Variants in ARHGAP10 observed in about 807,000 individuals in gnomAD.
ARHGAP10 encodes the protein rho GTPase-activating protein 10.
ARHGAP10 carries 87 observed loss-of-function variants against 108.6 expected under a neutral mutation model. The observed-to-expected ratio is 0.80, with a 90% CI of 0.67 to 0.96. The LOEUF is 0.96. Ranked by LOEUF, ARHGAP10 falls within the 40% of genes least tolerant of loss-of-function variation. ARHGAP10 has a pLI of 0.00. For synonymous variants in ARHGAP10, 347 were observed against 341.1 expected, an observed-to-expected ratio of 1.02 and a Z score of -0.19; for missense variants, 939 against 954.5, an observed-to-expected ratio of 0.98 and a Z score of 0.21.
At chr4:147,992,856 A>T (rs1740333367) in intron 18 of ARHGAP10, among the ~76,000 whole-genome samples, 1 of 152,216 alleles carries the variant, frequency 6.6e-6, no homozygotes, top group African/African-American at 2.4e-5. Flanking sequence ...TTCTACTTAA[A>T]TAATGAAAGA....
chr4:148,053,667 C>G (rs1251649947), intron 20 of ARHGAP10, among the ~76,000 whole-genome samples: 1 of 152,216 alleles, frequency 6.6e-6, no homozygotes, highest in Non-Finnish European at 1.5e-5. Flanking sequence ...ATTGTCTATT[C>G]ACATTCAGTC....
intron 1 of ARHGAP10, among the ~76,000 whole-genome samples, chr4:147,759,591 C>T (rs1043742868): frequency 1.3e-4 from 19 of 148,130 alleles, no homozygotes; most frequent in African/African-American, 4.1e-4. Context: ...CCCCCCCCCC[C>T]CTTTAAAAAG....
intron 22 of ARHGAP10, among the ~76,000 whole-genome samples, chr4:148,068,029 G>T (rs1305623335): frequency 2.6e-5 from 4 of 151,852 alleles, no homozygotes; most frequent in Admixed American, 2.6e-4. Flanking sequence ...AGGTCTCAGG[G>T]CAGTGACGTT....
intron 1 of ARHGAP10, among the ~76,000 whole-genome samples, chr4:147,796,036 G>GGAA: frequency 6.6e-6 from 1 of 151,844 alleles, no homozygotes; most frequent in Non-Finnish European, 1.5e-5. Context: ...TTTGCTTTTG[G>GGAA]GAACATGATT....
chr4:147,966,708 A>G lies in ARHGAP10; in HGVS notation c.1585A>G (p.Met529Val). ...NVSNHSKQNL[M>V]TVANLGVVFG... is the part of the protein sequence containing the mutation. ...TTCAAATCACTCCAAGCAGAACCTG[A>G]TGACTGTGGCAAACTTAGGAGTGGT... The change falls in exon 18 of 23, where the codon ATG becomes GTG. Residue 529 changes from methionine to valine, a missense_variant. Met to Val is a conservative substitution (Grantham distance 21). Coordinates refer to ENST00000336498, the MANE Select transcript of ARHGAP10 (RefSeq NM_024605.4). The G allele has an allele frequency of 1.3e-6, 2 of 1,592,288 alleles. No individual in the cohort carries two copies. The highest frequency in any genetic ancestry group is 1.7e-6 in the Non-Finnish European group (2 of 1,165,624).
At chr4:147,990,078 C>A (rs776132548) in intron 18 of ARHGAP10, among the ~76,000 whole-genome samples, 1 of 152,168 alleles carries the variant, frequency 6.6e-6, no homozygotes, top group African/African-American at 2.4e-5. Context: ...CAGCCTTCTG[C>A]CTGAATGAGG....
In ARHGAP10 at chr4:148,009,167, T is replaced by G. The variant is rs10021566; in HGVS notation, c.1717-14096T>G. On this transcript the variant is annotated intron_variant, in intron 18 of 22. Coordinates refer to ENST00000336498, the MANE Select transcript of ARHGAP10 (RefSeq NM_024605.4). Reference sequence around the variant, plus strand: ...TTTTTTTTGAGATGGAGTCTTGCTTTGTCGCTCAGCTGGAGTGCAGTGGTG... The same window carrying G: ...TTTTTTTTGAGATGGAGTCTTGCTTGGTCGCTCAGCTGGAGTGCAGTGGTG... Among the ~76,000 whole-genome samples, 953 of 152,098 alleles carry G rather than the reference T, an allele frequency of 6.3e-3. 11 individuals carry two copies. The highest frequency in any genetic ancestry group is 0.022 in the African/African-American group (901 of 41,504).
At chr4:147,929,185 A>G (rs1737575462) in intron 13 of ARHGAP10, among the ~76,000 whole-genome samples, 1 of 152,332 alleles carries the variant, frequency 6.6e-6, no homozygotes, top group East Asian at 1.9e-4. Context: ...GCTCTACTTT[A>G]TCTGCTGCCT....
chr4:147,905,847 G>A (rs1736465412), intron 10 of ARHGAP10, among the ~76,000 whole-genome samples: 1 of 151,854 alleles, frequency 6.6e-6, no homozygotes, highest in Admixed American at 6.6e-5. Context: ...TCACGATATT[G>A]ATTCTTCCTA....
At chr4:147,870,450 AT>A (rs1231446809) in intron 7 of ARHGAP10, among the ~76,000 whole-genome samples, 2 of 152,190 alleles carry the variant, frequency 1.3e-5, no homozygotes, top group African/African-American at 4.8e-5. Flanking sequence ...TAAGTATTTA[AT>A]TTTAGTAAAA....
chr4:147,762,912 T>A (rs1729649478), intron 1 of ARHGAP10, among the ~76,000 whole-genome samples: 1 of 152,060 alleles, frequency 6.6e-6, no homozygotes, highest in African/African-American at 2.4e-5. Context: ...CTGTCGCCCT[T>A]ATCTACTCTG....
chr4:147,828,448 C>A (rs1307296746), intron 3 of ARHGAP10, among the ~76,000 whole-genome samples: 1 of 152,152 alleles, frequency 6.6e-6, no homozygotes, highest in Non-Finnish European at 1.5e-5. Context: ...TAGTGTGTGC[C>A]TGCCACATGC....
At chr4:147,889,663 CT>C in intron 10 of ARHGAP10, among the ~76,000 whole-genome samples, 1 of 63,080 alleles carries the variant, frequency 1.6e-5, no homozygotes, top group South Asian at 7.5e-4. Context: ...TGTAAACATA[CT>C]TTGTCTTCTT....
chr4:147,772,751 T>G (rs1192404322), intron 1 of ARHGAP10, among the ~76,000 whole-genome samples: 2 of 152,252 alleles, frequency 1.3e-5, no homozygotes, highest in Non-Finnish European at 2.9e-5. Context: ...ACAGGCATTT[T>G]TATTATTAAT....
At chr4:147,935,493 A>G (rs1246370627) in intron 13 of ARHGAP10, among the ~76,000 whole-genome samples, 2 of 152,216 alleles carry the variant, frequency 1.3e-5, no homozygotes, top group Non-Finnish European at 2.9e-5. Context: ...GACTTGTTGC[A>G]TTTGGAAAGT....
intron 16 of ARHGAP10, among the ~76,000 whole-genome samples, chr4:147,964,754 G>A (rs577471503): frequency 9.2e-5 from 14 of 152,240 alleles, no homozygotes; most frequent in East Asian, 7.7e-4. Context: ...GCAGCTGTCC[G>A]TTCTGTAATA....
intron 1 of ARHGAP10, among the ~76,000 whole-genome samples, chr4:147,752,539 ATCT>A (rs1372548981): frequency 2.0e-5 from 3 of 150,406 alleles, no homozygotes; most frequent in African/African-American, 4.9e-5. Context: ...TCACAGTTTG[ATCT>A]TTTTTTTTTT....
In ARHGAP10 at chr4:147,802,642, C is replaced by T. The variant is rs139476251; in HGVS notation, c.155-20085C>T. Among the ~76,000 whole-genome samples, 5 of 152,354 alleles carry T rather than the reference C, an allele frequency of 3.3e-5. No individual in the cohort carries two copies. The East Asian group carries it at 9.6e-4, about 29-fold the overall frequency. On this transcript the variant is annotated intron_variant, in intron 1 of 22. Transcript: ENST00000336498. ...ATTGCAGGTGGCCAGCTCTGCTTCGCAGGAAACCAGCTCTGCCTCCCTGTA... is the reference window on the plus strand; with the variant it reads ...ATTGCAGGTGGCCAGCTCTGCTTCGTAGGAAACCAGCTCTGCCTCCCTGTA...
At chr4:147,796,651 G>A (rs1361765502) in intron 1 of ARHGAP10, among the ~76,000 whole-genome samples, 2 of 152,000 alleles carry the variant, frequency 1.3e-5, no homozygotes, top group East Asian at 1.9e-4. Context: ...TCAGCCTCCC[G>A]AGTAGCTGGG....
Sources: allele counts gnomAD v4.1 joint callset (sites outside exome capture counted in the v4.1 genomes callset), GRCh38; gene constraint gnomAD v4.1.1; transcripts MANE v1.5; gene names NCBI Gene and HGNC (gene_info 2026-07-23, HGNC 2026-07-21).